Variants in TRDN observed in about 807,000 individuals in gnomAD.
TRDN encodes the protein triadin, also known as triadin in skeletal muscle.
A neutral mutation model predicts 149.7 loss-of-function variants in TRDN; 161 were observed. The observed-to-expected ratio is 1.08, with a 90% CI of 0.95 to 1.23. The LOEUF is 1.23. TRDN is among the 50% of genes most tolerant of loss of function. TRDN has a pLI of 0.00. For synonymous variants in TRDN, 294 were observed against 250.5 expected (o/e 1.17, Z -1.64); for missense variants, 896 against 823.5 (o/e 1.09, Z -1.08).
chr6:123,352,966 C>CTTAA (rs1449555751), intron 20 of TRDN, among the ~76,000 whole-genome samples: 1 of 151,686 alleles, frequency 6.6e-6, no homozygotes, highest in Non-Finnish European at 1.5e-5. Context: ...TATATTCGTG[C>CTTAA]TTAACATAGC....
chr6:123,259,479 G>A, intron 35 of TRDN, 145 bp downstream of exon 35: 1 of 593,650 alleles, frequency 1.7e-6, no homozygotes, highest in Non-Finnish European at 3.0e-6. Flanking sequence ...GAACTGTAAT[G>A]TACTATAATT....
chr6:123,614,712 G>A (rs537298861), intron 1 of TRDN, among the ~76,000 whole-genome samples: 12 of 151,802 alleles, frequency 7.9e-5, no homozygotes, highest in Non-Finnish European at 1.6e-4. Context: ...AAAATTTAGG[G>A]GAATTCCTTT....
intron 20 of TRDN, among the ~76,000 whole-genome samples, chr6:123,356,516 T>TATGTATATATACATATATATATAC (rs1780685306): frequency 1.1e-3 from 18 of 15,696 alleles, no homozygotes; most frequent in African/African-American, 3.9e-3. Context: ...TATATATATA[T>TATGTATATATACATATATATATAC]ATATATATAT....
chr6:123,301,892 C>T (rs1459267987), intron 24 of TRDN, among the ~76,000 whole-genome samples: 3 of 147,858 alleles, frequency 2.0e-5, no homozygotes, highest in Admixed American at 6.9e-5. Context: ...TGGCGGTCTG[C>T]GTGTATATTT....
chr6:123,570,347 A>G (rs1562395951), intron 2 of TRDN, among the ~76,000 whole-genome samples: 1 of 152,214 alleles, frequency 6.6e-6, no homozygotes, highest in Non-Finnish European at 1.5e-5. Context: ...TACAGTTTAA[A>G]ATATGTAAAA....
rs1582729069 is a variant in TRDN, at chr6:123,217,100, T to C, written c.*1501A>G. 2 of 151,896 alleles carry C rather than the reference T, an allele frequency of 1.3e-5. No individual in the cohort carries two copies. Among genetic ancestry groups the C allele is most frequent in the East Asian group, 3.9e-4 (2 of 5,114 alleles). The allele number at this position is 151,896 out of a possible 1,614,324, so 9.4% of individuals were successfully genotyped here. A position where few individuals can be genotyped will look rare whatever the true frequency, so the allele number is the denominator to read the frequency against. On this transcript the variant is annotated 3_prime_UTR_variant, in exon 41 of 41. Transcript: ENST00000334268. ...TGTCCCACATACCCCATAAAGAGAGTCATTAATCTGGTTCATGTGACACTG... is the reference window on the plus strand; with the variant it reads ...TGTCCCACATACCCCATAAAGAGAGCCATTAATCTGGTTCATGTGACACTG...
At chr6:123,258,340 A>G (rs1262476050) in intron 35 of TRDN, among the ~76,000 whole-genome samples, 4 of 152,212 alleles carry the variant, frequency 2.6e-5, no homozygotes, top group Non-Finnish European at 4.4e-5. Context: ...TGTTTTTAGC[A>G]TGAAGAGGTG....
chr6:123,393,240 T>C (rs1420449668), intron 13 of TRDN, among the ~76,000 whole-genome samples: 2 of 152,132 alleles, frequency 1.3e-5, no homozygotes, highest in East Asian at 3.8e-4. Context: ...AATAACATTC[T>C]GATCTTCTCA....
intron 6 of TRDN, among the ~76,000 whole-genome samples, chr6:123,513,422 G>A (rs1356750809): frequency 6.6e-6 from 1 of 151,842 alleles, no homozygotes; most frequent in Non-Finnish European, 1.5e-5. Context: ...TATAATTTAA[G>A]GGCAAAAATT....
At chr6:123,261,574 G>A (rs1009746398) in intron 33 of TRDN, among the ~76,000 whole-genome samples, 2 of 151,154 alleles carry the variant, frequency 1.3e-5, no homozygotes, top group Non-Finnish European at 1.5e-5. Flanking sequence ...AAAATTCTCT[G>A]GTAGTTTAAG....
intron 1 of TRDN, among the ~76,000 whole-genome samples, chr6:123,598,239 G>A (rs987633800): frequency 6.6e-6 from 1 of 152,012 alleles, no homozygotes; most frequent in Non-Finnish European, 1.5e-5. Flanking sequence ...TAATATTCAA[G>A]GTAAATAGCA....
At chr6:123,379,378 G>C (rs956314619) in intron 16 of TRDN, among the ~76,000 whole-genome samples, 1 of 152,136 alleles carries the variant, frequency 6.6e-6, no homozygotes, top group Non-Finnish European at 1.5e-5. Flanking sequence ...TCAAAAAGAA[G>C]AAGCTATGAC....
At chr6:123,276,454 T>G (rs1777370021) in intron 26 of TRDN, among the ~76,000 whole-genome samples, 1 of 152,148 alleles carries the variant, frequency 6.6e-6, no homozygotes, top group South Asian at 2.1e-4. Flanking sequence ...GCAAACTGAT[T>G]TCTCCTTGTT....
chr6:123,575,377 C>T (rs745350914), intron 1 of TRDN, among the ~76,000 whole-genome samples: 3 of 152,004 alleles, frequency 2.0e-5, no homozygotes, highest in African/African-American at 4.8e-5. Flanking sequence ...TCTCTGACAG[C>T]TGGTCAAGAT....
At chr6:123,319,311 T>C (rs1026928362) in intron 23 of TRDN, among the ~76,000 whole-genome samples, 4 of 151,996 alleles carry the variant, frequency 2.6e-5, no homozygotes, top group Non-Finnish European at 5.9e-5. Context: ...TTTTCTAAGT[T>C]GAGCAGCTCT....
At chr6:123,519,520 A>C (rs1455356805) in intron 5 of TRDN, among the ~76,000 whole-genome samples, 1 of 150,338 alleles carries the variant, frequency 6.7e-6, no homozygotes, top group Non-Finnish European at 1.5e-5. Context: ...CTTGGGGTCA[A>C]ATCATGGGAG....
At position 123,392,530 on chromosome 6, in the gene TRDN, T is replaced by A. The variant is rs529933374; in HGVS notation, c.1105+1094A>T. 2.0e-5 allele frequency among the ~76,000 whole-genome samples: 3 copies of A among 152,184 alleles called. No homozygotes were observed. In the South Asian group the frequency reaches 6.2e-4, roughly 32 times the overall value. On this transcript the variant is annotated intron_variant, in intron 13 of 40. Coordinates refer to ENST00000334268, the MANE Select transcript of TRDN (RefSeq NM_006073.4). The stretch of plus-strand genomic sequence containing the variant: ...TTGAGGAACTCACCCTGACCTGCAT[T>A]TTCATGTATTAAAAAACCAAAGGTA...
chr6:123,519,552 C>G (rs569575163), intron 5 of TRDN, among the ~76,000 whole-genome samples: 2 of 144,612 alleles, frequency 1.4e-5, no homozygotes, highest in Non-Finnish European at 3.0e-5. Flanking sequence ...GAGTTCTTTA[C>G]TTAATCGTCC....
At chr6:123,257,625 G>A (rs1211571601) in intron 35 of TRDN, among the ~76,000 whole-genome samples, 1 of 152,118 alleles carries the variant, frequency 6.6e-6, no homozygotes, top group East Asian at 1.9e-4. Context: ...TGGCTATAAG[G>A]ACTCCTTTTT....
Sources: gnomAD v4.1 joint callset for allele counts (sites outside exome capture counted in the v4.1 genomes callset) on GRCh38, gnomAD v4.1.1 for gene constraint, MANE v1.5 for transcripts, NCBI Gene and HGNC (gene_info 2026-07-23, HGNC 2026-07-21) for gene names.